Variants in EXT1 observed in about 807,000 individuals in gnomAD.
EXT1 encodes exostosin glycosyltransferase 1.
In EXT1, 20 loss-of-function variants were observed where a neutral mutation model predicts 82.5. That is an observed-to-expected ratio of 0.24 (90% CI 0.17 to 0.35). EXT1 has a LOEUF of 0.35. EXT1 is among the 10% of genes least tolerant of loss of function. The pLI, the probability that EXT1 is intolerant of heterozygous loss-of-function variation, is 1.00. For missense variants in EXT1, 757 were observed against 936.5 expected, an observed-to-expected ratio of 0.81 and a Z score of 2.50; for synonymous variants, 348 against 350.8, an observed-to-expected ratio of 0.99 and a Z score of 0.09.
chr8:118,065,953 G>C (rs1324809374), intron 1 of EXT1, among the ~76,000 whole-genome samples: 1 of 152,156 alleles, frequency 6.6e-6, no homozygotes, highest in Non-Finnish European at 1.5e-5. Flanking sequence ...AGAAAGAGGA[G>C]GTGAGAAGAA....
chr8:117,994,085 A>G (rs1028520977), intron 1 of EXT1, among the ~76,000 whole-genome samples: 2 of 152,228 alleles, frequency 1.3e-5, no homozygotes, highest in Non-Finnish European at 2.9e-5. Flanking sequence ...CCAATGACAC[A>G]GCCACTAGCC....
chr8:118,095,226 C>G (rs1384635358), intron 1 of EXT1, among the ~76,000 whole-genome samples: 1 of 152,168 alleles, frequency 6.6e-6, no homozygotes, highest in African/African-American at 2.4e-5. Context: ...TCCTTTTGCC[C>G]TCTGTTATCC....
intron 1 of EXT1, among the ~76,000 whole-genome samples, chr8:117,887,059 G>A (rs1248748144): frequency 2.0e-5 from 3 of 152,124 alleles, no homozygotes; most frequent in Non-Finnish European, 2.9e-5. Flanking sequence ...TGCCATTGAC[G>A]ATATAGCCTC....
At chr8:117,848,830 C>T (rs368757356) in intron 1 of EXT1, among the ~76,000 whole-genome samples, 18 of 152,168 alleles carry the variant, frequency 1.2e-4, no homozygotes, top group Non-Finnish European at 2.4e-4. Context: ...TGAGTTCAAT[C>T]GTATCTTCCT....
At chr8:117,800,529 T>C (rs558434291) in intron 10 of EXT1, among the ~76,000 whole-genome samples, 99 of 152,332 alleles carry the variant, frequency 6.5e-4, no homozygotes, top group African/African-American at 2.3e-3. Flanking sequence ...AGCCTCCCCA[T>C]TGACGTGACT....
At chr8:118,027,548 C>T (rs1418298435) in intron 1 of EXT1, among the ~76,000 whole-genome samples, 1 of 152,190 alleles carries the variant, frequency 6.6e-6, no homozygotes. Flanking sequence ...TCAGTATCAG[C>T]TTACATAAAA....
intron 1 of EXT1, among the ~76,000 whole-genome samples, chr8:117,929,934 C>A (rs1015033367): frequency 6.6e-6 from 1 of 152,060 alleles, no homozygotes; most frequent in African/African-American, 2.4e-5. Flanking sequence ...ACAGTGAAAC[C>A]CCATCTCTAC....
intron 1 of EXT1, among the ~76,000 whole-genome samples, chr8:118,083,934 CAGG>C (rs1817375781): frequency 6.6e-6 from 1 of 152,072 alleles, no homozygotes. Flanking sequence ...AAGGCTGAGG[CAGG>C]AGAATTGCTT....
chr8:117,969,863 C>T (rs1814903038), intron 1 of EXT1, among the ~76,000 whole-genome samples: 1 of 152,194 alleles, frequency 6.6e-6, no homozygotes, highest in Non-Finnish European at 1.5e-5. Flanking sequence ...TCCCAGGACT[C>T]ATCTTTTATA....
At chr8:118,088,593 T>A (rs1817469343) in intron 1 of EXT1, among the ~76,000 whole-genome samples, 1 of 151,124 alleles carries the variant, frequency 6.6e-6, no homozygotes, top group African/African-American at 2.4e-5. Context: ...AAAAAATAAA[T>A]CAGATCTGTT....
chr8:118,058,981 C>T (rs1816838295), intron 1 of EXT1, among the ~76,000 whole-genome samples: 1 of 152,094 alleles, frequency 6.6e-6, no homozygotes, highest in African/African-American at 2.4e-5. Flanking sequence ...GTCTTGAGTA[C>T]CTCCCTTTTC....
intron 1 of EXT1, among the ~76,000 whole-genome samples, chr8:118,000,428 C>T (rs1815637618): frequency 6.6e-6 from 1 of 152,230 alleles, no homozygotes; most frequent in Non-Finnish European, 1.5e-5. Flanking sequence ...TCCTGACAAA[C>T]ACAAGGGATG....
intron 1 of EXT1, among the ~76,000 whole-genome samples, chr8:118,057,711 C>T (rs1027545865): frequency 7.2e-5 from 11 of 151,740 alleles, no homozygotes; most frequent in African/African-American, 2.4e-4. Flanking sequence ...TGGTGGCTCA[C>T]GCCTGTAATC....
intron 10 of EXT1, among the ~76,000 whole-genome samples, chr8:117,802,002 T>G (rs538361661): frequency 6.6e-6 from 1 of 152,226 alleles, no homozygotes; most frequent in Non-Finnish European, 1.5e-5. Flanking sequence ...AACCAACATC[T>G]ATTAGAAAAG....
At chr8:118,016,359 C>T (rs1411893629) in intron 1 of EXT1, among the ~76,000 whole-genome samples, 11 of 152,216 alleles carry the variant, frequency 7.2e-5, no homozygotes, top group African/African-American at 2.7e-4. Context: ...CGCCACCGTA[C>T]TCCAGCCTGG....
chr8:117,820,145 G>T (rs1811899049), intron 5 of EXT1, among the ~76,000 whole-genome samples: 1 of 152,128 alleles, frequency 6.6e-6, no homozygotes, highest in South Asian at 2.1e-4. Flanking sequence ...CTCTCCCATG[G>T]TATTTGCATG....
intron 8 of EXT1, among the ~76,000 whole-genome samples, chr8:117,807,952 G>A (rs950108087): frequency 1.3e-5 from 2 of 152,110 alleles, no homozygotes; most frequent in South Asian, 2.1e-4. Flanking sequence ...GTTTGAAGAT[G>A]CACAGTTTAA....
chr8:117,818,258 T>G (rs1360526494), intron 7 of EXT1, among the ~76,000 whole-genome samples, 177 bp downstream of exon 7: 1 of 152,208 alleles, frequency 6.6e-6, no homozygotes, highest in African/African-American at 2.4e-5. Flanking sequence ...AAGACCCAGA[T>G]TTCCCTGATT....
intron 10 of EXT1, among the ~76,000 whole-genome samples, chr8:117,801,067 A>G (rs1231007221): frequency 6.6e-6 from 1 of 152,232 alleles, no homozygotes; most frequent in Non-Finnish European, 1.5e-5. Context: ...AAATACTTTC[A>G]TGGGAAGATA....
Sources: gnomAD v4.1 joint callset for allele counts (sites outside exome capture counted in the v4.1 genomes callset) on GRCh38, gnomAD v4.1.1 for gene constraint, MANE v1.5 for transcripts, NCBI Gene and HGNC (gene_info 2026-07-23, HGNC 2026-07-21) for gene names.